The following IMMP2L variants were observed in gnomAD, a reference collection of about 807,000 sequenced individuals.
The protein encoded by IMMP2L is inner mitochondrial membrane peptidase subunit 2, also known as mitochondrial inner membrane protease subunit 2.
Under a neutral mutation model 19.3 loss-of-function variants are expected in IMMP2L, and 18 were observed. The observed-to-expected ratio is 0.93, with a 90% confidence interval of 0.64 to 1.38. The LOEUF (loss-of-function observed/expected upper bound fraction) is 1.38. IMMP2L is among the 40% of genes most tolerant of loss of function. The pLI, the probability that IMMP2L is intolerant of heterozygous loss-of-function variation, is 0.00. For synonymous variants in IMMP2L, 76 were observed against 73.0 expected, an observed-to-expected ratio of 1.04 and a Z score of -0.21; for missense variants, 233 against 218.2, an observed-to-expected ratio of 1.07 and a Z score of -0.43.
Position 111,411,112 on chromosome 7 carries a change from CAAAG to C in IMMP2L, c.239+76122_239+76125del, listed in dbSNP as rs1391475427. 6.6e-5 allele frequency among the ~76,000 whole-genome samples: 8 copies of C among 120,602 alleles called. No individual in the cohort carries two copies. In the East Asian group the frequency reaches 7.7e-4, roughly 12 times the overall value. The allele number at this position is 120,602 out of a possible 152,430, so 79.1% of individuals were successfully genotyped here. Reference sequence around the variant, plus strand: ...TGCTAAAAAAAAAAAAAAAAAGTAACAAAGAAAAAAATCTTAAAAGTACCCAGAA... The same window carrying C: ...TGCTAAAAAAAAAAAAAAAAAGTAACAAAAAAATCTTAAAAGTACCCAGAA... On this transcript the variant is annotated intron_variant, in intron 3 of 5. Transcript: ENST00000405709.
chr7:111,074,441 G>A (rs1243344117), intron 3 of IMMP2L, among the ~76,000 whole-genome samples: 4 of 152,212 alleles, frequency 2.6e-5, no homozygotes, highest in Non-Finnish European at 5.9e-5. Flanking sequence ...AAGGTTCGGA[G>A]CAAAACCCAG....
chr7:110,865,714 C>T (rs1022226217), intron 5 of IMMP2L, among the ~76,000 whole-genome samples: 4 of 151,922 alleles, frequency 2.6e-5, no homozygotes, highest in Non-Finnish European at 4.4e-5. Context: ...TAGAGATACC[C>T]CTTCTGTATT....
rs181723579 is a variant in IMMP2L at position 111,503,237 on chromosome 7, C to T, written c.136-15896G>A. 5.8e-3 allele frequency among the ~76,000 whole-genome samples: 886 copies of T among 152,210 alleles called. 13 individuals are homozygous for T. The highest frequency in any genetic ancestry group is 0.02 in the African/African-American group (819 of 41,530). The stretch of plus-strand genomic sequence containing the variant: ...AAATCTAGAAGAAATGGATAAATTC[C>T]TCAACACATACACCCTCCCAAGACT... On this transcript the variant is annotated intron_variant, in intron 2 of 5. Coordinates refer to ENST00000405709, the MANE Select transcript of IMMP2L (RefSeq NM_032549.4).
At chr7:110,698,942 C>T (rs895832631) in intron 5 of IMMP2L, among the ~76,000 whole-genome samples, 1 of 152,170 alleles carries the variant, frequency 6.6e-6, no homozygotes, top group Non-Finnish European at 1.5e-5. Context: ...ATGCTAACGA[C>T]ATGGTAATCG....
chr7:110,825,695 A>G (rs998385860), intron 5 of IMMP2L, among the ~76,000 whole-genome samples: 17 of 152,218 alleles, frequency 1.1e-4, no homozygotes, highest in African/African-American at 3.9e-4. Context: ...TTCAAGATGG[A>G]TTAAAGACTT....
At chr7:110,683,236 T>C (rs975412048) in intron 5 of IMMP2L, among the ~76,000 whole-genome samples, 1 of 152,124 alleles carries the variant, frequency 6.6e-6, no homozygotes, top group Non-Finnish European at 1.5e-5. Flanking sequence ...ATACATTAAA[T>C]ATATAATGTA....
rs546472038 is a variant in IMMP2L at position 111,494,721 on chromosome 7, T to G, written c.136-7380A>C. Among the ~76,000 whole-genome samples the G allele has an allele frequency of 2.0e-5, 3 of 152,178 alleles. No individual in the cohort carries two copies. In the South Asian group the frequency reaches 6.2e-4, roughly 32 times the overall value. ...TTGCTACAAGAATTAAATGAGACAG[T>G]CTACAAAACATTACAGTCATGAAAC... On this transcript the variant is annotated intron_variant, in intron 2 of 5. Coordinates refer to ENST00000405709, the MANE Select transcript of IMMP2L (RefSeq NM_032549.4).
chr7:111,019,621 T>A (rs1826070613), intron 3 of IMMP2L, among the ~76,000 whole-genome samples: 1 of 152,034 alleles, frequency 6.6e-6, no homozygotes, highest in Non-Finnish European at 1.5e-5. Flanking sequence ...GAAAATGACT[T>A]TAGAAAAGAA....
intron 5 of IMMP2L, among the ~76,000 whole-genome samples, chr7:110,847,658 T>G (rs12536318): frequency 6.6e-6 from 1 of 151,918 alleles, no homozygotes; most frequent in Non-Finnish European, 1.5e-5. Flanking sequence ...CATTAGCTGA[T>G]TTTAAAGCTA....
At chr7:111,528,775 G>A (rs980840392) in intron 1 of IMMP2L, among the ~76,000 whole-genome samples, 2 of 152,106 alleles carry the variant, frequency 1.3e-5, no homozygotes, top group Non-Finnish European at 2.9e-5. Flanking sequence ...AGGTTTGAAG[G>A]TAAGAGGAAA....
intron 3 of IMMP2L, among the ~76,000 whole-genome samples, chr7:111,460,241 G>C (rs1263033000): frequency 6.6e-6 from 1 of 152,034 alleles, no homozygotes. Context: ...TTGGGCACTC[G>C]AATTGAGTTT....
intron 3 of IMMP2L, among the ~76,000 whole-genome samples, chr7:111,171,716 G>A (rs1321122466): frequency 6.6e-6 from 1 of 151,518 alleles, no homozygotes; most frequent in East Asian, 1.9e-4. Context: ...GAACACATCT[G>A]AGGGTGCTCC....
chr7:111,129,130 A>C (rs1801602804), intron 3 of IMMP2L, among the ~76,000 whole-genome samples: 1 of 152,144 alleles, frequency 6.6e-6, no homozygotes. Flanking sequence ...AAAACAACTA[A>C]AAAGTTTAAA....
intron 5 of IMMP2L, among the ~76,000 whole-genome samples, chr7:110,773,909 T>TA (rs67518606): frequency 0.28 from 39,015 of 138,346 alleles, 5,999 homozygotes; most frequent in African/African-American, 0.45. Context: ...TTGGGTAAAA[T>TA]AAAAAAAAAA....
intron 3 of IMMP2L, among the ~76,000 whole-genome samples, chr7:111,395,645 T>A (rs1832789828): frequency 6.6e-6 from 1 of 152,198 alleles, no homozygotes; most frequent in Non-Finnish European, 1.5e-5. Flanking sequence ...TTCGCCCATT[T>A]AAGTAAGTTA....
intron 3 of IMMP2L, among the ~76,000 whole-genome samples, chr7:111,337,951 G>A (rs1359566400): frequency 6.6e-6 from 1 of 152,098 alleles, no homozygotes; most frequent in Non-Finnish European, 1.5e-5. Flanking sequence ...GAAATAAAAA[G>A]GACTGCCTCT....
At chr7:110,991,597 T>A (rs1263258437) in intron 3 of IMMP2L, among the ~76,000 whole-genome samples, 2 of 152,076 alleles carry the variant, frequency 1.3e-5, no homozygotes, top group African/African-American at 4.8e-5. Context: ...GGTATAGCAA[T>A]TGTCTCCAGA....
intron 5 of IMMP2L, among the ~76,000 whole-genome samples, chr7:110,844,062 T>C (rs1406755531): frequency 6.6e-6 from 1 of 152,172 alleles, no homozygotes; most frequent in Non-Finnish European, 1.5e-5. Flanking sequence ...TGACAGGATT[T>C]GCAGTTTTAA....
chr7:111,448,024 TGCACCCAATACAGGA>T (rs1838698155), intron 3 of IMMP2L, among the ~76,000 whole-genome samples: 1 of 144,170 alleles, frequency 6.9e-6, no homozygotes, highest in African/African-American at 2.7e-5. Flanking sequence ...TAAATATATA[TGCACCCAATACAGGA>T]GCACCCAGAT....
Sources: allele counts gnomAD v4.1 joint callset (sites outside exome capture counted in the v4.1 genomes callset), GRCh38; gene constraint gnomAD v4.1.1; transcripts MANE v1.5; gene names NCBI Gene and HGNC (gene_info 2026-07-23, HGNC 2026-07-21).